Variants in GPC6 observed in about 807,000 individuals in gnomAD.
The protein encoded by GPC6 is glypican 6.
A neutral mutation model predicts 55.2 loss-of-function variants in GPC6; 14 were observed. The observed-to-expected ratio is 0.25, with a 90% CI of 0.17 to 0.40. The LOEUF is 0.40. Among genes scored for constraint, GPC6 ranks in the 10% least tolerant of loss-of-function variants. The pLI is 1.00. For synonymous variants in GPC6, 278 were observed against 259.6 expected, an observed-to-expected ratio of 1.07 and a Z score of -0.68; for missense variants, 641 against 708.5, an observed-to-expected ratio of 0.90 and a Z score of 1.08.
chr13:94,073,900 C>G (rs574311141), intron 4 of GPC6, among the ~76,000 whole-genome samples: 2 of 152,308 alleles, frequency 1.3e-5, no homozygotes, highest in South Asian at 4.1e-4. Flanking sequence ...CCAAACTGCA[C>G]TATGTCCCAT....
chr13:93,540,108 T>G (rs1416439440), intron 1 of GPC6, among the ~76,000 whole-genome samples: 1 of 152,272 alleles, frequency 6.6e-6, no homozygotes, highest in East Asian at 1.9e-4. Context: ...CTGAGGTTGG[T>G]ATTCTGTGAG....
intron 4 of GPC6, among the ~76,000 whole-genome samples, chr13:94,119,678 AC>A (rs1405938472): frequency 6.6e-6 from 1 of 152,100 alleles, no homozygotes; most frequent in Non-Finnish European, 1.5e-5. Flanking sequence ...TTGCAAGGAC[AC>A]CAGTGTGGCT....
rs114139037 is a variant in GPC6 at position 93,470,544 on chromosome 13, C to T, written c.161-74719C>T. 5.9e-3 allele frequency among the ~76,000 whole-genome samples: 898 copies of T among 152,080 alleles called. 8 individuals are homozygous for T. The highest frequency in any genetic ancestry group is 0.021 in the African/African-American group (853 of 41,510). The stretch of plus-strand genomic sequence containing the variant: ...CAAATATGGTTTTGAGGATTTTTTG[C>T]ACTTGTGTGAATGAGGGATATTAGA... On this transcript the variant is annotated intron_variant, in intron 1 of 8. Coordinates refer to ENST00000377047, the MANE Select transcript of GPC6 (RefSeq NM_005708.5).
intron 4 of GPC6, among the ~76,000 whole-genome samples, chr13:94,142,861 T>C (rs1260290164): frequency 6.6e-6 from 1 of 151,600 alleles, no homozygotes; most frequent in Non-Finnish European, 1.5e-5. Flanking sequence ...ACTGAGGCTC[T>C]CTCTGTCACC....
chr13:94,074,870 A>G (rs1218639204), intron 4 of GPC6, among the ~76,000 whole-genome samples: 4 of 152,204 alleles, frequency 2.6e-5, no homozygotes, highest in Admixed American at 2.6e-4. Flanking sequence ...CTGGTGTAAC[A>G]TATGAATATG....
At position 94,026,239 on chromosome 13, in the gene GPC6, G is replaced by A. The variant is rs557741886; in HGVS notation, c.712-1490G>A. ...ACATACTGGGTAAAATTAAGAAAAT[G>A]TTACAGAAACCAAAGGCTTGCATTA... On this transcript the variant is annotated intron_variant, in intron 3 of 8. Coordinates refer to ENST00000377047, the MANE Select transcript of GPC6 (RefSeq NM_005708.5). Among the ~76,000 whole-genome samples the A allele has an allele frequency of 1.9e-3, 282 of 152,226 alleles. 4 individuals are homozygous for A. Among genetic ancestry groups the A allele is most frequent in the Admixed American group, 4.6e-3 (71 of 15,272 alleles).
chr13:93,800,714 G>A (rs1886341853), intron 2 of GPC6, among the ~76,000 whole-genome samples: 1 of 152,030 alleles, frequency 6.6e-6, no homozygotes, highest in Non-Finnish European at 1.5e-5. Flanking sequence ...CCATCTGTAA[G>A]CAATGTGCAT....
chr13:94,318,081 T>C (rs542294552), intron 6 of GPC6, among the ~76,000 whole-genome samples: 1 of 152,132 alleles, frequency 6.6e-6, no homozygotes, highest in Non-Finnish European at 1.5e-5. Flanking sequence ...TTCCAATAGC[T>C]CCTAATGGCA....
chr13:94,317,628 G>T (rs1170204299), intron 6 of GPC6, among the ~76,000 whole-genome samples: 4 of 152,148 alleles, frequency 2.6e-5, no homozygotes, highest in African/African-American at 9.7e-5. Flanking sequence ...AATGGTGAGG[G>T]CTCAAGTGAA....
chr13:93,334,552 T>A (rs377060257), intron 1 of GPC6, among the ~76,000 whole-genome samples: 12 of 152,274 alleles, frequency 7.9e-5, no homozygotes, highest in African/African-American at 2.9e-4. Flanking sequence ...AACCTGTGCC[T>A]CCTGGGTTCA....
At chr13:93,558,658 A>G (rs971175019) in intron 2 of GPC6, among the ~76,000 whole-genome samples, 2 of 152,190 alleles carry the variant, frequency 1.3e-5, no homozygotes, top group African/African-American at 2.4e-5. Flanking sequence ...AATTAAGTCT[A>G]TTCTCTGAAA....
chr13:93,797,033 C>T lies in GPC6; in HGVS notation c.320-33121C>T, dbSNP rs534787055. Among the ~76,000 whole-genome samples the T allele has an allele frequency of 4.6e-5, 7 of 152,308 alleles. No individual in the cohort carries two copies. In the South Asian group the frequency reaches 6.2e-4, roughly 14 times the overall value. On this transcript the variant is annotated intron_variant, in intron 2 of 8. Coordinates refer to ENST00000377047, the MANE Select transcript of GPC6 (RefSeq NM_005708.5). ...AACCTAACAAAACCACAAAAAAAGACGAGGTAACTTTTTTCTTAAGTGAAA... is the reference window on the plus strand; with the variant it reads ...AACCTAACAAAACCACAAAAAAAGATGAGGTAACTTTTTTCTTAAGTGAAA...
chr13:93,492,092 A>G (rs1291664872), intron 1 of GPC6, among the ~76,000 whole-genome samples: 3 of 144,418 alleles, frequency 2.1e-5, no homozygotes, highest in Non-Finnish European at 3.0e-5. Context: ...ATGGCATTGA[A>G]TCTGTAAATT....
At chr13:93,795,720 A>G (rs1886176676) in intron 2 of GPC6, among the ~76,000 whole-genome samples, 1 of 152,202 alleles carries the variant, frequency 6.6e-6, no homozygotes, top group Non-Finnish European at 1.5e-5. Context: ...TAGTTCACAT[A>G]TTAGTAGGTA....
intron 1 of GPC6, among the ~76,000 whole-genome samples, chr13:93,391,107 A>C (rs575793633): frequency 6.6e-6 from 1 of 152,226 alleles, no homozygotes; most frequent in African/African-American, 2.4e-5. Flanking sequence ...ATATAGAAAA[A>C]AGGGAGTTCA....
chr13:94,164,213 G>A (rs1388826402), intron 4 of GPC6, among the ~76,000 whole-genome samples: 2 of 152,114 alleles, frequency 1.3e-5, no homozygotes, highest in East Asian at 3.9e-4. Flanking sequence ...TTGAAATAAT[G>A]TCATTAGTCC....
intron 4 of GPC6, among the ~76,000 whole-genome samples, chr13:94,248,076 A>G (rs1450698379): frequency 1.3e-5 from 2 of 152,122 alleles, no homozygotes; most frequent in Non-Finnish European, 2.9e-5. Flanking sequence ...AAAATGTGCT[A>G]GGAAACATTC....
At chr13:94,263,628 T>G (rs143823284) in intron 4 of GPC6, among the ~76,000 whole-genome samples, 26 of 152,338 alleles carry the variant, frequency 1.7e-4, no homozygotes, top group Middle Eastern at 3.4e-3. Flanking sequence ...TCATTTTGAC[T>G]TAGGACATCT....
chr13:93,787,500 T>C (rs1042604669), intron 2 of GPC6, among the ~76,000 whole-genome samples: 1 of 152,248 alleles, frequency 6.6e-6, no homozygotes, highest in Admixed American at 6.5e-5. Flanking sequence ...TTCTACCATG[T>C]CAGTAATGTG....
Sources: gnomAD v4.1 joint callset for allele counts (sites outside exome capture counted in the v4.1 genomes callset) on GRCh38, gnomAD v4.1.1 for gene constraint, MANE v1.5 for transcripts, NCBI Gene and HGNC (gene_info 2026-07-23, HGNC 2026-07-21) for gene names.